AGBL1: variants seen among roughly 807,000 people sequenced by gnomAD.
AGBL1 encodes cytosolic carboxypeptidase 4.
Under a neutral mutation model 118.9 loss-of-function variants are expected in AGBL1, and 130 were observed. The observed-to-expected ratio is 1.09, with a 90% CI of 0.95 to 1.26. The LOEUF (loss-of-function observed/expected upper bound fraction) is 1.26, where lower values mean the gene tolerates loss of function less well. Ranked by LOEUF, AGBL1 falls within the 50% of genes most tolerant of loss-of-function variation. The probability of loss-of-function intolerance (pLI) is 0.00; values close to 1 mark genes in which losing one functional copy is unlikely to be tolerated. For missense variants in AGBL1, 1,584 were observed against 1,298.1 expected, an observed-to-expected ratio of 1.22 and a Z score of -3.38; for synonymous variants, 555 against 478.9, an observed-to-expected ratio of 1.16 and a Z score of -2.08.
chr15:86,671,756 C>T (rs2085750050), intron 21 of AGBL1, among the ~76,000 whole-genome samples: 2 of 152,168 alleles, frequency 1.3e-5, no homozygotes, highest in Admixed American at 1.3e-4. Flanking sequence ...TTCTACTTGA[C>T]AGTTACAATA....
intron 18 of AGBL1, among the ~76,000 whole-genome samples, chr15:86,397,984 G>C (rs1201346265): frequency 6.6e-6 from 1 of 152,120 alleles, no homozygotes; most frequent in Non-Finnish European, 1.5e-5. Context: ...TAAAGTCAGG[G>C]CCCAAACTGT....
chr15:86,300,436 G>A (rs1034026484), intron 17 of AGBL1, among the ~76,000 whole-genome samples: 12 of 152,238 alleles, frequency 7.9e-5, no homozygotes, highest in South Asian at 6.2e-4. Context: ...CTGAGAGAAG[G>A]AATGAATTTG....
At chr15:86,674,460 A>G (rs372805002) in intron 22 of AGBL1, 24 bp downstream of exon 22, 12 of 1,589,484 alleles carry the variant, frequency 7.5e-6, no homozygotes, top group Non-Finnish European at 1.0e-5. Flanking sequence ...AAGGGCTCAG[A>G]GAAATTTGGA....
chr15:86,527,906 A>G (rs2083288517), intron 19 of AGBL1, among the ~76,000 whole-genome samples: 1 of 152,160 alleles, frequency 6.6e-6, no homozygotes, highest in Admixed American at 6.5e-5. Flanking sequence ...TCATCCATAT[A>G]TCTGTCCATC....
intron 18 of AGBL1, among the ~76,000 whole-genome samples, chr15:86,473,312 C>A (rs185228405): frequency 1.9e-4 from 29 of 152,178 alleles, no homozygotes; most frequent in Non-Finnish European, 2.9e-4. Flanking sequence ...TCTAAGTATT[C>A]AAGGAGATAA....
At chr15:87,029,127 A>C, downstream of AGBL1, 1 of 295,206 alleles carries the variant, frequency 3.4e-6, no homozygotes. Flanking sequence ...CATTAACTAA[A>C]TGAATGAAAG....
chr15:86,498,700 G>A (rs1372107665), intron 18 of AGBL1, among the ~76,000 whole-genome samples: 4 of 151,790 alleles, frequency 2.6e-5, no homozygotes, highest in Admixed American at 2.6e-4. Flanking sequence ...GAATAGCAAG[G>A]CCTATTTACA....
chr15:86,158,474 A>G (rs947142787), intron 4 of AGBL1, among the ~76,000 whole-genome samples: 1 of 152,226 alleles, frequency 6.6e-6, no homozygotes, highest in South Asian at 2.1e-4. Context: ...ATTTTCTGAC[A>G]TGAGCAGAGC....
chr15:86,927,745 A>G (rs1470963806), intron 23 of AGBL1, among the ~76,000 whole-genome samples: 1 of 152,164 alleles, frequency 6.6e-6, no homozygotes, highest in Non-Finnish European at 1.5e-5. Flanking sequence ...CCAGCATACT[A>G]GAAATGTCAA....
intron 23 of AGBL1, among the ~76,000 whole-genome samples, chr15:86,960,529 G>T (rs142806595): frequency 1.3e-5 from 2 of 151,590 alleles, no homozygotes; most frequent in Non-Finnish European, 2.9e-5. Context: ...TTATATATTC[G>T]GTAAGGATGT....
At chr15:86,797,298 C>G (rs182901799) in intron 22 of AGBL1, among the ~76,000 whole-genome samples, 1 of 152,314 alleles carries the variant, frequency 6.6e-6, no homozygotes, top group African/African-American at 2.4e-5. Flanking sequence ...CTGGGCTGTT[C>G]CAGCATGACA....
intron 22 of AGBL1, among the ~76,000 whole-genome samples, chr15:86,776,565 C>G (rs1400921170): frequency 2.0e-5 from 3 of 151,216 alleles, no homozygotes; most frequent in African/African-American, 7.3e-5. Context: ...AGAACTTAGG[C>G]CTTTGTTCCA....
intron 17 of AGBL1, among the ~76,000 whole-genome samples, chr15:86,320,919 T>C (rs1263363914): frequency 6.6e-6 from 1 of 152,214 alleles, no homozygotes; most frequent in Non-Finnish European, 1.5e-5. Context: ...TTTTATAGTG[T>C]TAAACTGTGC....
chr15:86,918,566 C>T (rs963650352), downstream of AGBL1, among the ~76,000 whole-genome samples: 4 of 151,848 alleles, frequency 2.6e-5, no homozygotes, highest in African/African-American at 4.8e-5. Context: ...GGAAATGGAT[C>T]TGTAATTTTC....
At chr15:86,435,614 G>A in intron 18 of AGBL1, among the ~76,000 whole-genome samples, 1 of 152,152 alleles carries the variant, frequency 6.6e-6, no homozygotes. Context: ...TTAGAATTTG[G>A]AGCATCTGAA....
chr15:86,552,363 G>A (rs1328413998), intron 20 of AGBL1, among the ~76,000 whole-genome samples: 3 of 152,020 alleles, frequency 2.0e-5, no homozygotes, highest in African/African-American at 7.2e-5. Context: ...AGAAAAAAAT[G>A]GTTTCACTTA....
Position 86,719,936 on chromosome 15 carries a change from C to T in AGBL1, c.3158+45500C>T, listed in dbSNP as rs560170299. 6.0e-4 allele frequency among the ~76,000 whole-genome samples: 92 copies of T among 152,310 alleles called. 1 individual carries two copies. The highest frequency in any genetic ancestry group is 1.9e-3 in the African/African-American group (77 of 41,568). On this transcript the variant is annotated intron_variant, in intron 22 of 22. Transcript: ENST00000614907. ...CACTTCTTTCCAGCCTCTCTGGCCACGGATTCTCAAGCTCCTTAGCCGATT... is the reference window on the plus strand; with the variant it reads ...CACTTCTTTCCAGCCTCTCTGGCCATGGATTCTCAAGCTCCTTAGCCGATT...
intron 21 of AGBL1, among the ~76,000 whole-genome samples, chr15:86,574,401 A>G (rs2084052964): frequency 6.6e-6 from 1 of 152,126 alleles, no homozygotes; most frequent in African/African-American, 2.4e-5. Context: ...GCAAAGAAGA[A>G]GGTCCTTTTA....
At chr15:87,026,132 C>A (rs7173829) in intron 24 of AGBL1, among the ~76,000 whole-genome samples, 1 of 151,804 alleles carries the variant, frequency 6.6e-6, no homozygotes, top group African/African-American at 2.4e-5. Flanking sequence ...AACACAAATA[C>A]AATAATAACA....
Sources: allele counts gnomAD v4.1 joint callset (sites outside exome capture counted in the v4.1 genomes callset), GRCh38; gene constraint gnomAD v4.1.1; transcripts MANE v1.5; gene names NCBI Gene and HGNC (gene_info 2026-07-23, HGNC 2026-07-21).